NUDT5: variants seen among roughly 807,000 people sequenced by gnomAD.
The protein encoded by NUDT5 is nudix hydrolase 5, also known as ADP-sugar pyrophosphatase.
In NUDT5, 21 loss-of-function variants were observed where a neutral mutation model predicts 34.1. That is an observed-to-expected ratio of 0.62 (90% confidence interval 0.44 to 0.89). The LOEUF (loss-of-function observed/expected upper bound fraction) is 0.89, where lower values mean the gene tolerates loss of function less well. Among genes scored for constraint, NUDT5 ranks in the 40% least tolerant of loss-of-function variants. NUDT5 has a pLI of 0.00. For synonymous variants in NUDT5, 85 were observed against 97.6 expected, an observed-to-expected ratio of 0.87 and a Z score of 0.76; for missense variants, 249 against 274.8, an observed-to-expected ratio of 0.91 and a Z score of 0.66.
At chr10:12,194,733 G>T (rs1384683491) in intron 1 of NUDT5, among the ~76,000 whole-genome samples, 1 of 152,170 alleles carries the variant, frequency 6.6e-6, no homozygotes, top group Non-Finnish European at 1.5e-5. Flanking sequence ...GCCTGCAGTC[G>T]GTGGGGCTGT....
At chr10:12,174,527 T>C (rs1216349769) in intron 5 of NUDT5, among the ~76,000 whole-genome samples, 1 of 152,148 alleles carries the variant, frequency 6.6e-6, no homozygotes, top group Non-Finnish European at 1.5e-5. Context: ...TTCACCCGCC[T>C]CAGCCTCCCA....
rs140429314 is a variant in NUDT5 at position 12,171,767 on chromosome 10, C to T, written c.488-859G>A. Among the ~76,000 whole-genome samples, 842 of 150,730 alleles carry T rather than the reference C, an allele frequency of 5.6e-3. 13 individuals are homozygous for T. Among genetic ancestry groups the T allele is most frequent in the African/African-American group, 0.019 (779 of 40,962 alleles). On this transcript the variant is annotated intron_variant, in intron 7 of 9. Coordinates refer to ENST00000491614, the MANE Select transcript of NUDT5 (RefSeq NM_014142.4). The surrounding 1 kb of genome is among the most constrained non-coding windows in gnomAD (Gnocchi z 4.2). ...GGAGACAGGGTCTCAGTCTGTTGCC[C>T]GGGCTGGAGTGCAGTGGTGTGATCT...
intron 1 of NUDT5, among the ~76,000 whole-genome samples, chr10:12,188,424 T>G (rs1835162482): frequency 6.6e-6 from 1 of 152,078 alleles, no homozygotes; most frequent in African/African-American, 2.4e-5. Flanking sequence ...TGAGATGATG[T>G]TTTAGGAAAG....
At chr10:12,191,643 T>C (rs1432994536) in intron 1 of NUDT5, among the ~76,000 whole-genome samples, 2 of 152,186 alleles carry the variant, frequency 1.3e-5, no homozygotes, top group African/African-American at 4.8e-5. Context: ...CCCGGCTACT[T>C]GTGGAGGCTG....
chr10:12,173,893 G>A lies in NUDT5; in HGVS notation c.290-80C>T. On this transcript the variant is annotated intron_variant, in intron 5 of 9. Transcript: ENST00000491614. This position sits in a 1 kb window ranked among gnomAD's most constrained non-coding sequence, Gnocchi z 4.7. Reference sequence around the variant, plus strand: ...CTCCTTTTTTTTTTTTTGAGATGGAGTCTCACTCTGTCGCCCAGGCTGGAG... The same window carrying A: ...CTCCTTTTTTTTTTTTTGAGATGGAATCTCACTCTGTCGCCCAGGCTGGAG... 3 of 980,132 alleles carry A rather than the reference G, an allele frequency of 3.1e-6. No individual in the cohort carries two copies. Among genetic ancestry groups the A allele is most frequent in the Non-Finnish European group, 4.9e-6 (3 of 616,674 alleles). The allele number at this position is 980,132 out of a possible 1,614,324, so 60.7% of individuals were successfully genotyped here.
chr10:12,184,094 C>T (rs1178631948), intron 3 of NUDT5, among the ~76,000 whole-genome samples: 2 of 152,142 alleles, frequency 1.3e-5, no homozygotes, highest in African/African-American at 4.8e-5. Context: ...CTCTGTCACC[C>T]AGGCTGGAGT....
rs550334473 is a variant in NUDT5 at position 12,181,861 on chromosome 10, G to A, written c.132-2729C>T. ...AAATTTAAAAAAAAAGGATATGGCC[G>A]GATGCGGTGGCTCACGACTGTAGTC... On this transcript the variant is annotated intron_variant, in intron 3 of 9. Transcript: ENST00000491614. This position sits in a 1 kb window ranked among gnomAD's most constrained non-coding sequence, Gnocchi z 5.0. Among the ~76,000 whole-genome samples the A allele has an allele frequency of 6.6e-4, 100 of 152,014 alleles. No homozygotes were observed. Among genetic ancestry groups the A allele is most frequent in the Non-Finnish European group, 8.8e-4 (60 of 67,946 alleles).
intron 4 of NUDT5, among the ~76,000 whole-genome samples, chr10:12,178,442 A>C (rs1834990555): frequency 6.6e-6 from 1 of 152,248 alleles, no homozygotes; most frequent in African/African-American, 2.4e-5. Context: ...CAAAGCACCC[A>C]GGAGGGTCCC....
chr10:12,172,699 C>A (rs1267525751), intron 7 of NUDT5, 66 bp downstream of exon 7: 2 of 1,051,932 alleles, frequency 1.9e-6, no homozygotes, highest in African/African-American at 3.1e-5. Context: ...ATAAATCAAA[C>A]TAGCAGCAAG....
chr10:12,170,675 G>T lies in NUDT5; in HGVS notation c.550+42C>A, dbSNP rs375413329. 2 of 1,586,458 alleles carry T rather than the reference G, an allele frequency of 1.3e-6. No homozygotes were observed. The highest frequency in any genetic ancestry group is 2.2e-5 in the East Asian group (1 of 44,752). On this transcript the variant is annotated intron_variant, in intron 9 of 9. Coordinates refer to ENST00000491614, the MANE Select transcript of NUDT5 (RefSeq NM_014142.4). This position sits in a 1 kb window ranked among gnomAD's most constrained non-coding sequence, Gnocchi z 4.9. ...ACCCAGTTTGCTGGGATGGGGACGG[G>T]GAGAACTGGAGAAACTGGGTGGCGG...
rs780884874 is a variant in NUDT5 at position 12,179,104 on chromosome 10, T to A, written c.160A>T (p.Arg54Trp). Reference sequence around the variant, plus strand: ...CTACCATCCGCAGTCTGCTCTTTCCTGGTTGTACGTTTCACTGATTCCCAA... The same window carrying A: ...CTACCATCCGCAGTCTGCTCTTTCCAGGTTGTACGTTTCACTGATTCCCAA... ...RTWESVKRTT[R>W]KEQTADGVAV... is the part of the protein sequence containing the mutation. The change falls in exon 4 of 10, where the codon AGG (arginine) becomes TGG (tryptophan). Residue 54 changes from arginine to tryptophan, a missense_variant. Coordinates refer to ENST00000491614, the MANE Select transcript of NUDT5 (RefSeq NM_014142.4). 3 of 1,614,162 alleles carry A rather than the reference T, an allele frequency of 1.9e-6. No homozygotes were observed. The Admixed American group carries it at 5.0e-5, about 27-fold the overall frequency.
At chr10:12,193,484 GA>G (rs1251244267) in intron 1 of NUDT5, among the ~76,000 whole-genome samples, 3 of 152,156 alleles carry the variant, frequency 2.0e-5, no homozygotes, top group Non-Finnish European at 2.9e-5. Flanking sequence ...GCATGCAGGA[GA>G]AAAAGCAAAT....
intron 1 of NUDT5, among the ~76,000 whole-genome samples, chr10:12,190,907 C>T (rs1288326651): frequency 6.6e-6 from 1 of 152,018 alleles, no homozygotes; most frequent in Non-Finnish European, 1.5e-5. Flanking sequence ...TCACACCCAG[C>T]CAAGATTTTT....
chr10:12,192,377 C>G (rs1258258556), intron 1 of NUDT5, among the ~76,000 whole-genome samples: 2 of 151,688 alleles, frequency 1.3e-5, no homozygotes, highest in Admixed American at 1.3e-4. Context: ...TAATAACTTA[C>G]TTTATGATTG....
At position 12,167,641 on chromosome 10, in the gene NUDT5, A is replaced by G. The variant is rs545055752; in HGVS notation, c.*61T>C. ...CTACATTAAACTAAGTTGAATACAAAGTCTTAGTGAAGAAGGCCTGGTGGT... is the reference window on the plus strand; with the variant it reads ...CTACATTAAACTAAGTTGAATACAAGGTCTTAGTGAAGAAGGCCTGGTGGT... On this transcript the variant is annotated 3_prime_UTR_variant, in exon 10 of 10. Transcript: ENST00000491614. 6.8e-7 allele frequency: 1 copy of G among 1,474,080 alleles called. No homozygotes were observed. Among genetic ancestry groups the G allele is most frequent in the African/African-American group, 1.4e-5 (1 of 71,704 alleles). 91.3% of individuals were successfully genotyped at this position (1,474,080 alleles called of 1,614,324 possible).
At chr10:12,167,916 A>G (rs1457910149) in intron 9 of NUDT5, 105 bp from the exon 10 acceptor site, 6 of 1,512,108 alleles carry the variant, frequency 4.0e-6, no homozygotes, top group African/African-American at 1.4e-5. Context: ...GTCACTTCCT[A>G]TGCTAGATGC....
intron 7 of NUDT5, 117 bp downstream of exon 7, chr10:12,172,648 T>G: frequency 2.9e-6 from 2 of 698,318 alleles, no homozygotes; most frequent in Non-Finnish European, 5.1e-6. Context: ...TGAAGTCTAT[T>G]TGAAAGACCG....
In NUDT5 at chr10:12,170,906, C is replaced by G; in HGVS notation, c.490G>C (p.Asp164His). 1.2e-6 allele frequency: 2 copies of G among 1,613,670 alleles called. No individual in the cohort carries two copies. The highest frequency in any genetic ancestry group is 1.7e-6 in the Non-Finnish European group (2 of 1,179,804). Residue 164 changes from aspartate (D) to histidine (H), a missense_variant and splice_region_variant, in exon 8 of 10, where the codon GAT becomes CAT. Transcript: ENST00000491614. The surrounding 1 kb of genome is among the most constrained non-coding windows in gnomAD (Gnocchi z 4.9). ...ENARPKPKPG[D>H]GEFVEVISLP... ...CAGGAGTTGCAGAACATACCTCCAT[C>G]CCCTGGAAATAAACAGAAGGAAAAC...
intron 1 of NUDT5, among the ~76,000 whole-genome samples, chr10:12,194,154 C>A (rs1444534147): frequency 6.6e-6 from 1 of 152,274 alleles, no homozygotes; most frequent in Non-Finnish European, 1.5e-5. Flanking sequence ...GGATCACAGG[C>A]ATGAGGCACC....
Sources: allele counts gnomAD v4.1 joint callset (sites outside exome capture counted in the v4.1 genomes callset), GRCh38; gene constraint gnomAD v4.1.1; non-coding constraint Gnocchi (gnomAD v3.1); transcripts MANE v1.5; gene names NCBI Gene and HGNC (gene_info 2026-07-23, HGNC 2026-07-21).